Variants in MGAT4C observed in about 807,000 individuals in gnomAD.
The protein encoded by MGAT4C is alpha-1,3-mannosyl-glycoprotein 4-beta-N-acetylglucosaminyltransferase C.
A neutral mutation model predicts 40.1 loss-of-function variants in MGAT4C; 19 were observed. The ratio of observed to expected loss-of-function variants is 0.47; its 90% CI spans 0.33 to 0.70. The LOEUF is 0.70. MGAT4C is among the 30% of genes least tolerant of loss of function. The pLI is 0.02. For missense variants in MGAT4C, 491 were observed against 563.2 expected (o/e 0.87, Z 1.30); for synonymous variants, 181 against 187.1 (o/e 0.97, Z 0.27).
intron 2 of MGAT4C, among the ~76,000 whole-genome samples, chr12:86,703,153 G>A (rs188127297): frequency 1.4e-3 from 216 of 152,208 alleles, no homozygotes; most frequent in Non-Finnish European, 2.4e-3. Context: ...AATAGATGAG[G>A]AATTGCTTCT....
intron 1 of MGAT4C, among the ~76,000 whole-genome samples, chr12:86,223,712 C>T (rs1950968650): frequency 6.6e-6 from 1 of 152,134 alleles, no homozygotes; most frequent in South Asian, 2.1e-4. Flanking sequence ...CATCCAGGGG[C>T]CTAGAAGTTG....
At chr12:86,282,095 G>A (rs1438406388) in intron 4 of MGAT4C, among the ~76,000 whole-genome samples, 4 of 152,050 alleles carry the variant, frequency 2.6e-5, no homozygotes, top group Admixed American at 2.6e-4. Context: ...TATTTGATGT[G>A]ATTCTTTCAT....
intron 2 of MGAT4C, among the ~76,000 whole-genome samples, chr12:86,484,203 A>AG (rs1957981212): frequency 6.6e-6 from 1 of 152,096 alleles, no homozygotes; most frequent in African/African-American, 2.4e-5. Flanking sequence ...TGCAGAGCCG[A>AG]GGAGCTTCTG....
At chr12:86,380,643 C>T (rs992842065) in intron 3 of MGAT4C, among the ~76,000 whole-genome samples, 1 of 152,096 alleles carries the variant, frequency 6.6e-6, no homozygotes, top group Non-Finnish European at 1.5e-5. Flanking sequence ...CTACTAAGCC[C>T]TTTGTGTGTA....
At chr12:86,131,133 G>A (rs999331418) in intron 1 of MGAT4C, among the ~76,000 whole-genome samples, 6 of 151,986 alleles carry the variant, frequency 3.9e-5, no homozygotes, top group Non-Finnish European at 5.9e-5. Flanking sequence ...CTAGCCATAC[G>A]GCTTTGGACA....
intron 1 of MGAT4C, among the ~76,000 whole-genome samples, chr12:86,086,110 A>G (rs993549534): frequency 1.3e-5 from 2 of 152,192 alleles, no homozygotes; most frequent in African/African-American, 4.8e-5. Context: ...TTGCAGCACT[A>G]TTCACAATAG....
At chr12:86,435,610 G>C (rs1035086288) in intron 2 of MGAT4C, among the ~76,000 whole-genome samples, 3 of 151,698 alleles carry the variant, frequency 2.0e-5, no homozygotes, top group Non-Finnish European at 4.4e-5. Flanking sequence ...ACAATAGTCA[G>C]GCCAGTATTT....
chr12:86,789,178 A>T (rs1454991023), intron 1 of MGAT4C, among the ~76,000 whole-genome samples: 1 of 152,166 alleles, frequency 6.6e-6, no homozygotes, highest in Non-Finnish European at 1.5e-5. Flanking sequence ...TGCTAACATT[A>T]AACAATAACT....
At chr12:86,767,570 G>T (rs757694440) in intron 1 of MGAT4C, among the ~76,000 whole-genome samples, 1 of 152,032 alleles carries the variant, frequency 6.6e-6, no homozygotes, top group Non-Finnish European at 1.5e-5. Flanking sequence ...CCAAAAAAGA[G>T]AATTTGAGAC....
Sources: gnomAD v4.1 joint callset for allele counts (sites outside exome capture counted in the v4.1 genomes callset) on GRCh38, gnomAD v4.1.1 for gene constraint, MANE v1.5 for transcripts, NCBI Gene and HGNC (gene_info 2026-07-23, HGNC 2026-07-21) for gene names.